ZNF273: variants seen among roughly 807,000 people sequenced by gnomAD.
The protein encoded by ZNF273 is zinc finger protein 9.
In ZNF273, 11 loss-of-function variants were observed where a neutral mutation model predicts 14.9. That is an observed-to-expected ratio of 0.74 (90% CI 0.46 to 1.22). The LOEUF is 1.22. Among genes scored for constraint, ZNF273 ranks in the 50% most tolerant of loss-of-function variants. The pLI is 0.00. For missense variants in ZNF273, 577 were observed against 660.6 expected, an observed-to-expected ratio of 0.87 and a Z score of 1.39; for synonymous variants, 199 against 223.9, an observed-to-expected ratio of 0.89 and a Z score of 0.99.
At chr7:64,900,439 G>T (rs192996310), upstream of ZNF273, among the ~76,000 whole-genome samples, 2 of 152,298 alleles carry the variant, frequency 1.3e-5, no homozygotes, top group Non-Finnish European at 2.9e-5. Context: ...GATAGCGAGG[G>T]TAAAAGAGTC....
chr7:64,891,041 A>T (rs965232422), downstream of ZNF273, among the ~76,000 whole-genome samples: 2 of 152,232 alleles, frequency 1.3e-5, no homozygotes, highest in African/African-American at 4.8e-5. Flanking sequence ...CATTGCTCAA[A>T]ATAGAGCCTC....
downstream of ZNF273, among the ~76,000 whole-genome samples, chr7:64,892,524 C>T (rs1405947853): frequency 6.6e-6 from 1 of 152,162 alleles, no homozygotes; most frequent in African/African-American, 2.4e-5. Context: ...CCTTGTTCTT[C>T]TGGGGTGATA....
At chr7:64,904,660 A>T (rs1294539836) in intron 1 of ZNF273, among the ~76,000 whole-genome samples, 1 of 152,300 alleles carries the variant, frequency 6.6e-6, no homozygotes, top group Non-Finnish European at 1.5e-5. Flanking sequence ...TTTAGTGTAC[A>T]TTTTAGATAC....
chr7:64,898,882 C>T (rs1256155302), upstream of ZNF273, among the ~76,000 whole-genome samples: 3 of 152,218 alleles, frequency 2.0e-5, no homozygotes, highest in African/African-American at 7.2e-5. Context: ...TCCGGTCATA[C>T]TGTTTTTGGC....
intron 1 of ZNF273, among the ~76,000 whole-genome samples, chr7:64,916,369 GTAA>G (rs1162671237): frequency 8.9e-4 from 120 of 135,152 alleles, no homozygotes; most frequent in African/African-American, 3.0e-3. Context: ...TACTAAAAAT[GTAA>G]AAAAAAAAAA....
At chr7:64,889,777 C>T (rs1583962537), downstream of ZNF273, 3 of 985,096 alleles carry the variant, frequency 3.0e-6, no homozygotes, top group African/African-American at 1.7e-5. The surrounding 1 kb of genome is among the most constrained non-coding windows in gnomAD (Gnocchi z 4.2). Context: ...AGTCCCGAGC[C>T]CAAGCCCCTG....
At chr7:64,891,651 G>C (rs968287749), downstream of ZNF273, among the ~76,000 whole-genome samples, 2 of 152,154 alleles carry the variant, frequency 1.3e-5, no homozygotes, top group Admixed American at 1.3e-4. Flanking sequence ...GCTTCAAGTG[G>C]GTAGGGAAGA....
chr7:64,927,769 A>G lies in ZNF273; in HGVS notation c.441A>G (p.Arg147=), dbSNP rs771276965. 1.2e-6 allele frequency: 2 copies of G among 1,613,692 alleles called. No homozygotes were observed. Among genetic ancestry groups the G allele is most frequent in the Non-Finnish European group, 1.7e-6 (2 of 1,179,884 alleles). The part of the protein sequence containing the change: ...GKYGHENLQL[R]KGCKSADEHK... ...ATGGACATGAGAATTTACAATTAAG[A>G]AAAGGCTGTAAAAGTGCGGATGAGC... The change falls in exon 4 of 4, where the codon AGA becomes AGG. Residue 147 remains arginine (R), a synonymous_variant. Transcript: ENST00000476120.
intron 3 of ZNF273, among the ~76,000 whole-genome samples, chr7:64,925,757 C>T (rs1222080606): frequency 6.6e-6 from 1 of 152,114 alleles, no homozygotes; most frequent in Non-Finnish European, 1.5e-5. Context: ...GTTTTTTCCT[C>T]ATTACATCTG....
chr7:64,916,395 T>G (rs1404549231), intron 1 of ZNF273, among the ~76,000 whole-genome samples: 1 of 137,734 alleles, frequency 7.3e-6, no homozygotes, highest in Non-Finnish European at 1.6e-5. Flanking sequence ...AAAAATTAGC[T>G]GGGCATGGCA....
downstream of ZNF273, chr7:64,889,414 C>T (rs1026324056): frequency 4.1e-6 from 4 of 984,966 alleles, no homozygotes; most frequent in Non-Finnish European, 4.8e-6. This position sits in a 1 kb window ranked among gnomAD's most constrained non-coding sequence, Gnocchi z 4.2. Flanking sequence ...TGACCAGGAG[C>T]GCGGAGCCCC....
At chr7:64,885,086 A>G (rs1475968062) in intron 1 of ZNF273, among the ~76,000 whole-genome samples, 2 of 152,066 alleles carry the variant, frequency 1.3e-5, no homozygotes, top group Non-Finnish European at 2.9e-5. Context: ...TTGCCTGGTG[A>G]CAAGTTTCTC....
the ZNF273 span, among the ~76,000 whole-genome samples, chr7:64,936,629 CAG>C: frequency 3.3e-5 from 5 of 152,166 alleles, no homozygotes; most frequent in Non-Finnish European, 5.9e-5. Flanking sequence ...CCAGGTAAGT[CAG>C]AGACACTTAA....
chr7:64,930,950 T>TTACAA lies in ZNF273; in HGVS notation c.*1912_*1913insTACAA. 6.6e-6 allele frequency: 1 copy of TTACAA among 152,182 alleles called. No homozygotes were observed. The highest frequency in any genetic ancestry group is 2.4e-5 in the African/African-American group (1 of 41,460). 9.4% of individuals were successfully genotyped at this position (152,182 alleles called of 1,614,324 possible). The stretch of plus-strand genomic sequence containing the variant: ...GGTCATAATAAAAATTACAAAAGTA[T>TTACAA]GAATAAAATACATACATTTCTGAGT... On this transcript the variant is annotated 3_prime_UTR_variant, in exon 4 of 4. Coordinates refer to ENST00000476120, the MANE Select transcript of ZNF273 (RefSeq NM_021148.3).
downstream of ZNF273, among the ~76,000 whole-genome samples, chr7:64,882,119 G>A (rs1791278463): frequency 6.6e-6 from 1 of 152,166 alleles, no homozygotes; most frequent in Non-Finnish European, 1.5e-5. Context: ...GAGCTCAAGG[G>A]CCCCGCAATC....
chr7:64,936,146 G>A, the ZNF273 span, among the ~76,000 whole-genome samples: 1 of 152,172 alleles, frequency 6.6e-6, no homozygotes, highest in Non-Finnish European at 1.5e-5. Flanking sequence ...ATTATTCTCT[G>A]ATTTCCTTTC....
At chr7:64,897,281 A>T (rs1240701057) in intron 3 of ZNF273, 1 of 152,238 alleles carries the variant, frequency 6.6e-6, no homozygotes, top group Non-Finnish European at 1.5e-5. Context: ...AGCAGTATAG[A>T]AATCACTGAA....
chr7:64,881,475 G>A (rs537694058), downstream of ZNF273, among the ~76,000 whole-genome samples: 1 of 152,326 alleles, frequency 6.6e-6, no homozygotes, highest in Non-Finnish European at 1.5e-5. Flanking sequence ...CGTTACATCC[G>A]CCAACAAGGA....
intron 3 of ZNF273, among the ~76,000 whole-genome samples, chr7:64,897,158 T>G (rs1200027172): frequency 1.3e-5 from 2 of 152,146 alleles, no homozygotes; most frequent in African/African-American, 4.8e-5. Context: ...AACATGTAAT[T>G]TATTCTTCTC....
Sources: allele counts gnomAD v4.1 joint callset (sites outside exome capture counted in the v4.1 genomes callset), GRCh38; gene constraint gnomAD v4.1.1; non-coding constraint Gnocchi (gnomAD v3.1); transcripts MANE v1.5; gene names NCBI Gene and HGNC (gene_info 2026-07-23, HGNC 2026-07-21).